GNA12: variants seen among roughly 807,000 people sequenced by gnomAD.
GNA12 encodes the protein guanine nucleotide-binding protein subunit alpha-12.
GNA12 carries 9 observed loss-of-function variants against 26.0 expected under a neutral mutation model. The observed-to-expected ratio is 0.35, with a 90% CI of 0.21 to 0.60. The LOEUF (loss-of-function observed/expected upper bound fraction) is 0.60, where lower values mean the gene tolerates loss of function less well. Ranked by LOEUF, GNA12 falls within the 20% of genes least tolerant of loss-of-function variation. The pLI, the probability that GNA12 is intolerant of heterozygous loss-of-function variation, is 0.78. For synonymous variants in GNA12, 264 were observed against 219.6 expected (o/e 1.20, Z -1.79); for missense variants, 405 against 525.8 (o/e 0.77, Z 2.25).
At chr7:2,752,618 T>G (rs909890926) in intron 2 of GNA12, among the ~76,000 whole-genome samples, 3 of 152,186 alleles carry the variant, frequency 2.0e-5, no homozygotes, top group Admixed American at 6.5e-5. Flanking sequence ...GATAAGAGAT[T>G]ACTACACAAA....
chr7:2,815,140 G>A, intron 1 of GNA12: 1 of 715,626 alleles, frequency 1.4e-6, no homozygotes, highest in South Asian at 1.9e-5. Flanking sequence ...ACTGGAGAAG[G>A]AGCAATACAA....
At chr7:2,843,350 A>G (rs1779058316) in intron 1 of GNA12, among the ~76,000 whole-genome samples, 1 of 151,944 alleles carries the variant, frequency 6.6e-6, no homozygotes, top group South Asian at 2.1e-4. Flanking sequence ...CACCCTAGAG[A>G]GGGCAGAGGC....
At position 2,805,615 on chromosome 7, in the gene GNA12, C is replaced by T. The variant is rs920047234; in HGVS notation, c.310-10472G>A. On this transcript the variant is annotated intron_variant, in intron 1 of 3. Coordinates refer to ENST00000275364, the MANE Select transcript of GNA12 (RefSeq NM_007353.3). ...GCCTGGGCTGCCGCCTGCTCTCACG[C>T]AGCTTACAGCAGGCACGGAGACTAG... Among the ~76,000 whole-genome samples, 13 of 152,372 alleles carry T rather than the reference C, an allele frequency of 8.5e-5. No individual in the cohort carries two copies. The Middle Eastern group carries it at 0.01, about 120-fold the overall frequency.
intron 1 of GNA12, chr7:2,835,984 A>T (rs1778826825): frequency 2.2e-6 from 1 of 458,982 alleles, no homozygotes; most frequent in Non-Finnish European, 4.1e-6. Flanking sequence ...GTTGTATGCA[A>T]AATTTGGGAG....
chr7:2,818,682 G>C (rs568613666), intron 1 of GNA12, among the ~76,000 whole-genome samples: 55 of 151,774 alleles, frequency 3.6e-4, no homozygotes, highest in Non-Finnish European at 5.0e-4. Context: ...AGAATTGCCT[G>C]AGCCCAGGAG....
At chr7:2,785,577 T>G (rs1244258261) in intron 2 of GNA12, among the ~76,000 whole-genome samples, 2 of 152,252 alleles carry the variant, frequency 1.3e-5, no homozygotes, top group Non-Finnish European at 2.9e-5. Context: ...ATTCACTTAT[T>G]TCTGACATTG....
At chr7:2,814,491 CA>C in intron 1 of GNA12, 2 of 794,256 alleles carry the variant, frequency 2.5e-6, no homozygotes, top group Non-Finnish European at 4.3e-6. Context: ...CAAATAAAAT[CA>C]AAGACACAAA....
chr7:2,789,058 T>A (rs905168409), intron 2 of GNA12, among the ~76,000 whole-genome samples: 1 of 151,056 alleles, frequency 6.6e-6, no homozygotes, highest in Non-Finnish European at 1.5e-5. Context: ...CCTCAAGTGA[T>A]CCACCTGCCT....
chr7:2,747,040 C>A (rs1317164081), intron 2 of GNA12, among the ~76,000 whole-genome samples: 3 of 151,954 alleles, frequency 2.0e-5, no homozygotes, highest in Non-Finnish European at 4.4e-5. Flanking sequence ...GCTTACCAAC[C>A]AAAAAAAGTC....
chr7:2,766,270 T>C (rs1026973576), intron 2 of GNA12, among the ~76,000 whole-genome samples: 9 of 152,218 alleles, frequency 5.9e-5, no homozygotes, highest in African/African-American at 2.2e-4. Context: ...ATCTCTGTTG[T>C]AGCTAGTATG....
At chr7:2,787,142 C>T (rs1376873560) in intron 2 of GNA12, among the ~76,000 whole-genome samples, 1 of 152,176 alleles carries the variant, frequency 6.6e-6, no homozygotes, top group African/African-American at 2.4e-5. Flanking sequence ...TCAGGGCGGA[C>T]ACACCAGCAA....
At chr7:2,831,304 CAG>C (rs201885246) in intron 1 of GNA12, among the ~76,000 whole-genome samples, 1,536 of 152,122 alleles carry the variant, frequency 0.01, 13 homozygotes, top group Middle Eastern at 0.071. Flanking sequence ...ATACTTTTAA[CAG>C]AGTTTTCGAT....
At position 2,795,050 on chromosome 7, in the gene GNA12, C is replaced by T. The variant is rs190617612; in HGVS notation, c.403G>A (p.Glu135Lys). Residue 135 changes from glutamate (E) to lysine (K), a missense_variant, in exon 2 of 4, where the codon GAG (glutamate) becomes AAG (lysine). Coordinates refer to ENST00000275364, the MANE Select transcript of GNA12 (RefSeq NM_007353.3). ...TCCACAGGCAGCCCCGCCTTGTTCT[C>T]GAAGGCCATCAGGAACATCCCATGC... is the stretch of plus-strand genomic sequence containing the variant. Reference protein sequence around the residue: ...EKHGMFLMAFENKAGLPVEPA... With the variant: ...EKHGMFLMAFKNKAGLPVEPA... 1.5e-5 allele frequency: 24 copies of T among 1,613,822 alleles called. No individual in the cohort carries two copies. The East Asian group carries it at 4.0e-4, about 27-fold the overall frequency.
At chr7:2,748,702 C>G (rs1790883617) in intron 2 of GNA12, among the ~76,000 whole-genome samples, 1 of 152,158 alleles carries the variant, frequency 6.6e-6, no homozygotes, top group African/African-American at 2.4e-5. Flanking sequence ...GCAAAAGAAA[C>G]TACCATCAGC....
chr7:2,776,748 G>A (rs1792087498), intron 2 of GNA12, among the ~76,000 whole-genome samples: 1 of 152,198 alleles, frequency 6.6e-6, no homozygotes, highest in Admixed American at 6.5e-5. Context: ...CCCAGTGCTG[G>A]AAGCAGAGCT....
chr7:2,731,655 C>T lies in GNA12; in HGVS notation c.672G>A (p.Lys224=). 1 of 1,612,860 alleles carries T rather than the reference C, an allele frequency of 6.2e-7. No homozygotes were observed. Among genetic ancestry groups the T allele is most frequent in the African/African-American group, 1.3e-5 (1 of 75,002 alleles). Reference sequence around the variant, plus strand: ...ACCGCTGGCCGCCCACATCCACCATCTTAAAGGGGATCTTCTTAATAACGA... The same window carrying T: ...ACCGCTGGCCGCCCACATCCACCATTTTAAAGGGGATCTTCTTAATAACGA... ...HDFVIKKIPF[K]MVDVGGQRSQ... is the part of the protein sequence containing the mutation. Residue 224 remains lysine, a synonymous_variant, in exon 4 of 4, where the codon AAG becomes AAA. Transcript: ENST00000275364. The surrounding 1 kb of genome is among the most constrained non-coding windows in gnomAD (Gnocchi z 6.0).
At chr7:2,788,501 C>T (rs1228557420) in intron 2 of GNA12, among the ~76,000 whole-genome samples, 1 of 152,226 alleles carries the variant, frequency 6.6e-6, no homozygotes, top group Non-Finnish European at 1.5e-5. Flanking sequence ...ATATTCACAA[C>T]TTAGTTACTA....
At chr7:2,751,021 T>G (rs1361827409) in intron 2 of GNA12, among the ~76,000 whole-genome samples, 1 of 152,154 alleles carries the variant, frequency 6.6e-6, no homozygotes, top group African/African-American at 2.4e-5. Context: ...TTCAAGACAA[T>G]GTTAAAATAT....
At chr7:2,740,903 G>A (rs1790465257) in intron 2 of GNA12, among the ~76,000 whole-genome samples, 1 of 152,110 alleles carries the variant, frequency 6.6e-6, no homozygotes, top group South Asian at 2.1e-4. Context: ...AAATTAGTCG[G>A]GCGTGGTGGC....
Sources: allele counts gnomAD v4.1 joint callset (sites outside exome capture counted in the v4.1 genomes callset), GRCh38; gene constraint gnomAD v4.1.1; non-coding constraint Gnocchi (gnomAD v3.1); transcripts MANE v1.5; gene names NCBI Gene and HGNC (gene_info 2026-07-23, HGNC 2026-07-21).